RARB: variants seen among roughly 807,000 people sequenced by gnomAD.
The protein encoded by RARB is retinoic acid receptor beta.
In RARB, 17 loss-of-function variants were observed where a neutral mutation model predicts 51.9. The ratio of observed to expected loss-of-function variants is 0.33; its 90% confidence interval spans 0.22 to 0.49. The LOEUF (loss-of-function observed/expected upper bound fraction) is 0.49. RARB is among the 20% of genes least tolerant of loss of function. The probability of loss-of-function intolerance (pLI) is 0.99; values close to 1 mark genes in which losing one functional copy is unlikely to be tolerated. For synonymous variants in RARB, 215 were observed against 195.4 expected (o/e 1.10, Z -0.84); for missense variants, 369 against 550.8 (o/e 0.67, Z 3.30).
At chr3:24,965,698 A>T (rs1295191427) in intron 2 of RARB, among the ~76,000 whole-genome samples, 1 of 152,198 alleles carries the variant, frequency 6.6e-6, no homozygotes, top group East Asian at 1.9e-4. Context: ...AATAATACAC[A>T]TGAAATGTTG....
chr3:25,025,320 A>G (rs1697724371), intron 2 of RARB, among the ~76,000 whole-genome samples: 1 of 152,208 alleles, frequency 6.6e-6, no homozygotes, highest in Middle Eastern at 3.2e-3. Context: ...CTTTGATACC[A>G]ACTGACTGTA....
chr3:24,870,982 C>T (rs1404151911), intron 2 of RARB, among the ~76,000 whole-genome samples: 1 of 151,904 alleles, frequency 6.6e-6, no homozygotes, highest in East Asian at 1.9e-4. Context: ...AGATCTTATT[C>T]TATCTAACTA....
chr3:25,045,613 C>T (rs930493434), intron 2 of RARB, among the ~76,000 whole-genome samples: 1 of 152,152 alleles, frequency 6.6e-6, no homozygotes, highest in Non-Finnish European at 1.5e-5. Context: ...AACAATGAGA[C>T]ATGACTGAAC....
intron 5 of RARB, among the ~76,000 whole-genome samples, chr3:25,329,259 G>A (rs1305528788): frequency 6.6e-6 from 1 of 152,150 alleles, no homozygotes; most frequent in Non-Finnish European, 1.5e-5. Context: ...GTAGCCTAAC[G>A]GGGAGGCACC....
At chr3:25,285,210 G>T (rs1318413730) in intron 5 of RARB, among the ~76,000 whole-genome samples, 2 of 152,178 alleles carry the variant, frequency 1.3e-5, no homozygotes, top group Non-Finnish European at 2.9e-5. Context: ...AAAGGAGTTT[G>T]ACCCATACTG....
intron 3 of RARB, among the ~76,000 whole-genome samples, chr3:25,088,479 C>T (rs1699140750): frequency 6.6e-6 from 1 of 152,112 alleles, no homozygotes; most frequent in South Asian, 2.1e-4. Context: ...GACTATAGCC[C>T]TTGCTCCTCC....
rs141068801 is a variant in RARB at position 25,486,710 on chromosome 3, G to A, written c.307-14472G>A. 2.0e-4 allele frequency among the ~76,000 whole-genome samples: 30 copies of A among 152,110 alleles called. No individual in the cohort carries two copies. In the East Asian group the frequency reaches 3.7e-3, roughly 19 times the overall value. ...GAGTTTGGAAGGGTCTTTTAAATTC[G>A]GATAATGGTGAGGTACTTTTTTGGC... On this transcript the variant is annotated intron_variant, in intron 2 of 7. Coordinates refer to ENST00000330688, the MANE Select transcript of RARB (RefSeq NM_000965.5).
At chr3:25,473,185 T>TTTG (rs757268331) in intron 2 of RARB, among the ~76,000 whole-genome samples, 32 of 152,242 alleles carry the variant, frequency 2.1e-4, no homozygotes, top group East Asian at 1.7e-3. Context: ...ACTATGTCTT[T>TTTG]TTGTTGTTGT....
At chr3:24,928,189 T>C (rs1695360463) in intron 2 of RARB, among the ~76,000 whole-genome samples, 1 of 152,032 alleles carries the variant, frequency 6.6e-6, no homozygotes, top group Non-Finnish European at 1.5e-5. Context: ...ATGTCATTTG[T>C]AGGTGTTTCC....
chr3:25,544,423 A>G (rs1699524197), intron 3 of RARB, among the ~76,000 whole-genome samples: 1 of 152,184 alleles, frequency 6.6e-6, no homozygotes, highest in South Asian at 2.1e-4. Flanking sequence ...CTCATGCTAT[A>G]TGGAGACTAT....
intron 5 of RARB, among the ~76,000 whole-genome samples, chr3:25,301,871 G>A (rs1457462762): frequency 6.6e-6 from 1 of 152,180 alleles, no homozygotes; most frequent in Non-Finnish European, 1.5e-5. Flanking sequence ...TAGTGCTAGA[G>A]ACACACCAGT....
chr3:25,455,004 G>C (rs889751839), intron 1 of RARB, among the ~76,000 whole-genome samples: 37 of 152,176 alleles, frequency 2.4e-4, no homozygotes, highest in African/African-American at 8.9e-4. Context: ...TTCTGCTTTT[G>C]TACCATCCCA....
intron 5 of RARB, among the ~76,000 whole-genome samples, chr3:25,273,553 C>T (rs1703302794): frequency 6.6e-6 from 1 of 152,182 alleles, no homozygotes; most frequent in South Asian, 2.1e-4. Flanking sequence ...CCCTGCTCAG[C>T]TAGTCAGAGA....
intron 2 of RARB, among the ~76,000 whole-genome samples, chr3:24,925,889 C>G (rs901939331): frequency 2.0e-5 from 3 of 151,958 alleles, no homozygotes; most frequent in African/African-American, 7.3e-5. Flanking sequence ...TGTCTCTTAA[C>G]TAGCTTGTAT....
chr3:25,513,288 A>G (rs935954854), intron 3 of RARB, among the ~76,000 whole-genome samples: 3 of 152,054 alleles, frequency 2.0e-5, no homozygotes, highest in Admixed American at 6.6e-5. Flanking sequence ...CTCCATCTCA[A>G]AGAAGAAAGA....
intron 3 of RARB, among the ~76,000 whole-genome samples, chr3:25,124,339 A>C (rs1699829951): frequency 6.6e-6 from 1 of 152,206 alleles, no homozygotes; most frequent in Non-Finnish European, 1.5e-5. Flanking sequence ...ATGCCACTGC[A>C]TTTCAGCCTG....
intron 5 of RARB, among the ~76,000 whole-genome samples, chr3:25,367,828 C>CAAAAAAAAAAAAAAAA (rs1559374236): frequency 4.1e-4 from 57 of 139,488 alleles, no homozygotes; most frequent in East Asian, 1.6e-3. Context: ...AAAAAAAAAA[C>CAAAAAAAAAAAAAAAA]AAAAACAAAA....
Position 24,948,597 on chromosome 3 carries a change from C to G in RARB, c.-380+89845C>G, listed in dbSNP as rs115387871. 6.6e-3 allele frequency among the ~76,000 whole-genome samples: 1,010 copies of G among 152,268 alleles called. 13 individuals are homozygous for G. Among genetic ancestry groups the G allele is most frequent in the African/African-American group, 0.023 (959 of 41,566 alleles). ...ATGGCCCATCCCTTCCCTACCTATTCCCCATGGAGAAGCTCTGTCTTAGTG... is the reference window on the plus strand; with the variant it reads ...ATGGCCCATCCCTTCCCTACCTATTGCCCATGGAGAAGCTCTGTCTTAGTG... On this transcript the variant is annotated intron_variant, in intron 2 of 11. Coordinates refer to the RARB transcript ENST00000383772.
At chr3:25,013,368 C>T (rs1697438317) in intron 2 of RARB, among the ~76,000 whole-genome samples, 1 of 152,102 alleles carries the variant, frequency 6.6e-6, no homozygotes, top group African/African-American at 2.4e-5. Context: ...TCTTCCATCA[C>T]ATAGATACCT....
Sources: allele counts gnomAD v4.1 joint callset (sites outside exome capture counted in the v4.1 genomes callset), GRCh38; gene constraint gnomAD v4.1.1; transcripts MANE v1.5; gene names NCBI Gene and HGNC (gene_info 2026-07-23, HGNC 2026-07-21).